Variants in PARD3 observed in about 807,000 individuals in gnomAD.
The protein encoded by PARD3 is par-3 family cell polarity regulator, also known as partitioning defective 3 homolog.
Under a neutral mutation model 155.4 loss-of-function variants are expected in PARD3, and 75 were observed. The observed-to-expected ratio is 0.48, with a 90% CI of 0.40 to 0.58. The LOEUF is 0.58. Ranked by LOEUF, PARD3 falls within the 20% of genes least tolerant of loss-of-function variation. PARD3 has a pLI of 0.00. For synonymous variants in PARD3, 576 were observed against 610.5 expected (o/e 0.94, Z 0.83); for missense variants, 1,642 against 1,721.7 (o/e 0.95, Z 0.82).
intron 2 of PARD3, among the ~76,000 whole-genome samples, chr10:34,625,538 T>A (rs537040557): frequency 1.2e-4 from 19 of 152,328 alleles, no homozygotes; most frequent in Middle Eastern, 3.4e-3. Context: ...ACAAGCTCGG[T>A]CATTTCCTGT....
intron 1 of PARD3, among the ~76,000 whole-genome samples, chr10:34,731,737 G>A (rs2094821790): frequency 6.6e-6 from 1 of 152,112 alleles, no homozygotes; most frequent in African/African-American, 2.4e-5. Flanking sequence ...TTCTTCCACA[G>A]TCTCCTAGTT....
chr10:34,656,923 TGTAAACATGTTGTGAGGAAACA>T, intron 2 of PARD3, among the ~76,000 whole-genome samples: 1 of 152,210 alleles, frequency 6.6e-6, no homozygotes, highest in African/African-American at 2.4e-5. Flanking sequence ...TGCATCTTGA[TGTAAACATGTTGTGAGGAAACA>T]GCCTTCTAAT....
intron 15 of PARD3, chr10:34,345,455 A>T (rs1483167315): frequency 1.0e-6 from 1 of 985,044 alleles, no homozygotes; most frequent in African/African-American, 1.7e-5. Flanking sequence ...TTCCTTTTGT[A>T]TCATAGCAGA....
intron 15 of PARD3, among the ~76,000 whole-genome samples, chr10:34,342,874 A>C (rs1836983786): frequency 6.6e-6 from 1 of 152,212 alleles, no homozygotes; most frequent in Admixed American, 6.5e-5. Context: ...CCTTCTCAGC[A>C]CGTTACCAAG....
chr10:34,392,482 G>A (rs1842944269), intron 7 of PARD3, among the ~76,000 whole-genome samples: 1 of 152,140 alleles, frequency 6.6e-6, no homozygotes, highest in African/African-American at 2.4e-5. Flanking sequence ...TAATAAATAA[G>A]ATATCTGCCA....
At position 34,234,592 on chromosome 10, in the gene PARD3, T is replaced by G. The variant is rs181965082; in HGVS notation, c.3419+35065A>C. Among the ~76,000 whole-genome samples, 246 of 152,318 alleles carry G rather than the reference T, an allele frequency of 1.6e-3. 1 individual carries two copies. Among genetic ancestry groups the G allele is most frequent in the Non-Finnish European group, 2.6e-3 (180 of 68,026 alleles). Reference sequence around the variant, plus strand: ...ATGACTTCTTTGCATCCTTCAGTACTCAGCCAAATGTCATCTTCCCAAAGA... The same window carrying G: ...ATGACTTCTTTGCATCCTTCAGTACGCAGCCAAATGTCATCTTCCCAAAGA... On this transcript the variant is annotated intron_variant, in intron 22 of 24. Transcript: ENST00000374788.
intron 2 of PARD3, among the ~76,000 whole-genome samples, chr10:34,624,721 G>A (rs923302433): frequency 2.6e-5 from 4 of 152,192 alleles, no homozygotes; most frequent in Admixed American, 6.5e-5. Flanking sequence ...CCTCTGCAAC[G>A]CAGATCCCCA....
chr10:34,220,440 AC>A (rs1397837304), intron 22 of PARD3, among the ~76,000 whole-genome samples: 1 of 152,190 alleles, frequency 6.6e-6, no homozygotes, highest in East Asian at 1.9e-4. Flanking sequence ...CTTGGATCGC[AC>A]CTGGTGCCTC....
chr10:34,662,113 G>A (rs1333934328), intron 2 of PARD3, among the ~76,000 whole-genome samples: 1 of 152,054 alleles, frequency 6.6e-6, no homozygotes, highest in African/African-American at 2.4e-5. Flanking sequence ...ATGAACTTCT[G>A]GCCCTTTCAT....
At chr10:34,270,398 C>T (rs1955558183) in intron 21 of PARD3, among the ~76,000 whole-genome samples, 1 of 152,142 alleles carries the variant, frequency 6.6e-6, no homozygotes, top group Non-Finnish European at 1.5e-5. Context: ...CTGCCTCAGC[C>T]TCCCAAAGTG....
chr10:34,540,137 G>A (rs560110096), intron 2 of PARD3, among the ~76,000 whole-genome samples: 30 of 152,236 alleles, frequency 2.0e-4, no homozygotes, highest in African/African-American at 7.0e-4. Context: ...TCTTCATGCT[G>A]CCTGCCTCCT....
rs114033664 is a variant in PARD3, at chr10:34,503,591, T to C, written c.403+13388A>G. Reference sequence around the variant, plus strand: ...AAAAAAATTACTACCAAAGTACTACTAAAAAGACAAGAAAAAGAGGCTTTG... The same window carrying C: ...AAAAAAATTACTACCAAAGTACTACCAAAAAGACAAGAAAAAGAGGCTTTG... On this transcript the variant is annotated intron_variant, in intron 3 of 24. Transcript: ENST00000374788. Among the ~76,000 whole-genome samples, 200 of 152,240 alleles carry C rather than the reference T, an allele frequency of 1.3e-3. 1 individual carries two copies. The highest frequency in any genetic ancestry group is 4.5e-3 in the African/African-American group (185 of 41,540).
At chr10:34,729,736 C>T (rs946737235) in intron 1 of PARD3, among the ~76,000 whole-genome samples, 3 of 152,100 alleles carry the variant, frequency 2.0e-5, no homozygotes, top group African/African-American at 7.2e-5. Context: ...GGAAATTACA[C>T]ACACAAATTA....
At chr10:34,556,318 T>A (rs543592638) in intron 2 of PARD3, among the ~76,000 whole-genome samples, 5 of 151,994 alleles carry the variant, frequency 3.3e-5, no homozygotes, top group Non-Finnish European at 5.9e-5. Flanking sequence ...TAGTGTAACA[T>A]CCTGTGTGCA....
At chr10:34,635,753 T>C (rs907917578) in intron 2 of PARD3, among the ~76,000 whole-genome samples, 1 of 152,234 alleles carries the variant, frequency 6.6e-6, no homozygotes, top group African/African-American at 2.4e-5. Flanking sequence ...CCTACCGGTA[T>C]GTCCCAGAAC....
chr10:34,148,485 C>A (rs1948626767), intron 22 of PARD3, among the ~76,000 whole-genome samples: 1 of 152,132 alleles, frequency 6.6e-6, no homozygotes, highest in Non-Finnish European at 1.5e-5. Flanking sequence ...CAGACCTCCA[C>A]TGACATTTCA....
intron 21 of PARD3, among the ~76,000 whole-genome samples, chr10:34,276,110 T>A (rs1435789580): frequency 6.6e-6 from 1 of 152,192 alleles, no homozygotes; most frequent in Non-Finnish European, 1.5e-5. Context: ...GGACAACATT[T>A]ATACTGTTTC....
chr10:34,331,045 G>T, intron 19 of PARD3, 72 bp downstream of exon 19: 1 of 1,169,926 alleles, frequency 8.5e-7, no homozygotes, highest in African/African-American at 1.5e-5. Context: ...AAAACTCCAG[G>T]GCTCCCTGGA....
intron 1 of PARD3, among the ~76,000 whole-genome samples, chr10:34,798,190 A>G (rs1299615944): frequency 6.6e-6 from 1 of 152,020 alleles, no homozygotes; most frequent in African/African-American, 2.4e-5. Flanking sequence ...TGAGCTGGGC[A>G]TGGTAGCATG....
Sources: allele counts gnomAD v4.1 joint callset (sites outside exome capture counted in the v4.1 genomes callset), GRCh38; gene constraint gnomAD v4.1.1; transcripts MANE v1.5; gene names NCBI Gene and HGNC (gene_info 2026-07-23, HGNC 2026-07-21).